The following MAP7 variants were observed in gnomAD, a reference collection of about 807,000 sequenced individuals.
MAP7 encodes the protein microtubule associated protein 7.
Under a neutral mutation model 94.8 loss-of-function variants are expected in MAP7, and 52 were observed. The observed-to-expected ratio is 0.55, with a 90% CI of 0.44 to 0.69. MAP7 has a LOEUF of 0.69. MAP7 is among the 30% of genes least tolerant of loss of function. The pLI is 0.00. For synonymous variants in MAP7, 350 were observed against 357.0 expected (o/e 0.98, Z 0.22); for missense variants, 940 against 964.6 (o/e 0.97, Z 0.34).
At chr6:136,543,939 C>T (rs993645061) in intron 1 of MAP7, among the ~76,000 whole-genome samples, 24 of 152,054 alleles carry the variant, frequency 1.6e-4, no homozygotes, top group African/African-American at 5.3e-4. Context: ...TTATTTTTTT[C>T]GAGAAGGTGT....
At position 136,411,705 on chromosome 6, in the gene MAP7, C is replaced by T. The variant is rs369167654; in HGVS notation, c.167-8G>A. The T allele has an allele frequency of 1.9e-3, 2,908 of 1,535,880 alleles. 8 individuals carry two copies. Among genetic ancestry groups the T allele is most frequent in the Middle Eastern group, 5.9e-3 (34 of 5,728 alleles). ...GTAACACAGGCGGAGGGTCTGAAAG[C>T]GAGATTAAAAAAAACATGAGATGAA... is the stretch of plus-strand genomic sequence containing the variant. On this transcript the variant is annotated splice_region_variant and splice_polypyrimidine_tract_variant and intron_variant, in intron 2 of 17. Transcript: ENST00000354570.
At chr6:136,410,217 A>G (rs1402611928) in intron 3 of MAP7, among the ~76,000 whole-genome samples, 2 of 152,162 alleles carry the variant, frequency 1.3e-5, no homozygotes, top group East Asian at 3.9e-4. Flanking sequence ...GCAGATATGA[A>G]TCCACGCTAT....
At chr6:136,377,130 G>T (rs1421619625) in intron 7 of MAP7, among the ~76,000 whole-genome samples, 2 of 152,142 alleles carry the variant, frequency 1.3e-5, no homozygotes, top group Admixed American at 1.3e-4. Context: ...GCTAATTCAG[G>T]TATGTTTTGC....
At chr6:136,389,811 C>A (rs1419939218) in intron 3 of MAP7, among the ~76,000 whole-genome samples, 1 of 152,208 alleles carries the variant, frequency 6.6e-6, no homozygotes, top group Non-Finnish European at 1.5e-5. Flanking sequence ...TTATTAACCA[C>A]ATGCTCTAGT....
intron 1 of MAP7, among the ~76,000 whole-genome samples, chr6:136,435,139 G>T (rs1479182426): frequency 6.6e-6 from 1 of 152,174 alleles, no homozygotes; most frequent in Non-Finnish European, 1.5e-5. Flanking sequence ...CCACTTGGGG[G>T]TTGGTGCCTA....
intron 1 of MAP7, among the ~76,000 whole-genome samples, chr6:136,457,500 A>T (rs1803716113): frequency 6.6e-6 from 1 of 152,170 alleles, no homozygotes; most frequent in South Asian, 2.1e-4. Flanking sequence ...CCATAGCCTA[A>T]GACACTACAA....
intron 1 of MAP7, among the ~76,000 whole-genome samples, chr6:136,483,019 C>T (rs1407374757): frequency 4.0e-5 from 6 of 148,896 alleles, no homozygotes; most frequent in Admixed American, 1.4e-4. Context: ...TCTTTGTCTG[C>T]TTGTCTTATT....
At chr6:136,522,300 T>C (rs951055151) in intron 1 of MAP7, among the ~76,000 whole-genome samples, 18 of 152,024 alleles carry the variant, frequency 1.2e-4, no homozygotes, top group African/African-American at 3.9e-4. Context: ...GTCAGGTATG[T>C]AAAACATTAC....
intron 1 of MAP7, chr6:136,526,227 G>T: frequency 8.4e-7 from 1 of 1,194,318 alleles, no homozygotes; most frequent in Non-Finnish European, 1.0e-6. Context: ...TCCCCGACAG[G>T]CACATGCGCT....
chr6:136,344,965 G>A (rs868651964), intron 17 of MAP7, among the ~76,000 whole-genome samples: 4 of 152,184 alleles, frequency 2.6e-5, no homozygotes, highest in African/African-American at 9.6e-5. Flanking sequence ...TAGTTATCCT[G>A]AATTTGGCCA....
At chr6:136,448,020 T>A (rs1210744440) in intron 1 of MAP7, among the ~76,000 whole-genome samples, 1 of 151,904 alleles carries the variant, frequency 6.6e-6, no homozygotes, top group Non-Finnish European at 1.5e-5. Context: ...TGAAACCCCA[T>A]CTCTACTAAA....
rs770108668 is a variant in MAP7, at chr6:136,360,756, G to A, written c.1744C>T (p.Arg582Trp). The A allele has an allele frequency of 3.1e-6, 5 of 1,614,016 alleles. No individual in the cohort carries two copies. Among genetic ancestry groups the A allele is most frequent in the Non-Finnish European group, 4.2e-6 (5 of 1,180,004 alleles). Residue 582 changes from arginine to tryptophan, a missense_variant, in exon 13 of 18, where the codon CGG (arginine) becomes TGG (tryptophan). By Grantham distance (101) the Arg-to-Trp change is moderately radical. Coordinates refer to ENST00000354570, the MANE Select transcript of MAP7 (RefSeq NM_003980.6). ...ARVREEAERVRQEREKHFQRE... is the reference protein window; with the variant it reads ...ARVREEAERVWQEREKHFQRE... The stretch of plus-strand genomic sequence containing the variant: ...TGGAAATGCTTCTCTCGTTCCTGCC[G>A]GACCCTCTCTGCTTCTTCACGAACG...
At chr6:136,392,388 C>CTTTTTTTTTTTTTTT in intron 3 of MAP7, among the ~76,000 whole-genome samples, 1 of 102,616 alleles carries the variant, frequency 9.7e-6, no homozygotes, top group Non-Finnish European at 2.0e-5. Flanking sequence ...CTGCATCTTG[C>CTTTTTTTTTTTTTTT]TTTTTTTTTT....
intron 1 of MAP7, among the ~76,000 whole-genome samples, chr6:136,440,384 G>A (rs891732181): frequency 3.3e-5 from 5 of 152,098 alleles, no homozygotes; most frequent in Non-Finnish European, 5.9e-5. Context: ...TGACATCTGA[G>A]CTGGTCCTAA....
At chr6:136,432,199 T>G (rs1389899725) in intron 1 of MAP7, among the ~76,000 whole-genome samples, 1 of 149,756 alleles carries the variant, frequency 6.7e-6, no homozygotes, top group Non-Finnish European at 1.5e-5. Context: ...ACTCATAAAT[T>G]AAAAAAAAAA....
intron 1 of MAP7, among the ~76,000 whole-genome samples, chr6:136,495,732 G>A (rs945765186): frequency 6.6e-6 from 1 of 152,132 alleles, no homozygotes; most frequent in Non-Finnish European, 1.5e-5. Context: ...TGTCCCCAGT[G>A]TGAAAAACGA....
chr6:136,345,568 T>C (rs1787442297), intron 17 of MAP7, among the ~76,000 whole-genome samples: 1 of 152,186 alleles, frequency 6.6e-6, no homozygotes, highest in Non-Finnish European at 1.5e-5. Context: ...GCATGCATGA[T>C]GTCGGGTAAT....
intron 1 of MAP7, among the ~76,000 whole-genome samples, chr6:136,422,262 A>C (rs1236267154): frequency 6.6e-6 from 1 of 152,210 alleles, no homozygotes; most frequent in Non-Finnish European, 1.5e-5. Flanking sequence ...AACAAACATC[A>C]ACCCTAACTG....
At chr6:136,495,757 G>A (rs1818029842) in intron 1 of MAP7, among the ~76,000 whole-genome samples, 2 of 152,106 alleles carry the variant, frequency 1.3e-5, no homozygotes, top group Admixed American at 6.5e-5. Context: ...CATTTGGATA[G>A]AATCTATAGA....
Sources: allele counts gnomAD v4.1 joint callset (sites outside exome capture counted in the v4.1 genomes callset), GRCh38; gene constraint gnomAD v4.1.1; transcripts MANE v1.5; gene names NCBI Gene and HGNC (gene_info 2026-07-23, HGNC 2026-07-21).